Variants in USP54 observed in about 807,000 individuals in gnomAD.
USP54 encodes ubiquitin specific peptidase 54, also known as ubiquitin carboxyl-terminal hydrolase 54.
In USP54, 87 loss-of-function variants were observed where a neutral mutation model predicts 170.5. The ratio of observed to expected loss-of-function variants is 0.51; its 90% CI spans 0.43 to 0.61. The LOEUF is 0.61. Among genes scored for constraint, USP54 ranks in the 20% least tolerant of loss-of-function variants. USP54 has a pLI of 0.00. For synonymous variants in USP54, 655 were observed against 742.8 expected, an observed-to-expected ratio of 0.88 and a Z score of 1.92; for missense variants, 1,786 against 2,047.8, an observed-to-expected ratio of 0.87 and a Z score of 2.47.
chr10:73,560,502 A>C (rs1241699595), intron 4 of USP54, among the ~76,000 whole-genome samples: 1 of 150,336 alleles, frequency 6.7e-6, no homozygotes, highest in Non-Finnish European at 1.5e-5. Context: ...AAAAATACAA[A>C]AAAAAAAAAA....
At chr10:73,535,099 T>C (rs1015786281) in intron 11 of USP54, among the ~76,000 whole-genome samples, 1 of 152,178 alleles carries the variant, frequency 6.6e-6, no homozygotes, top group Admixed American at 6.5e-5. Flanking sequence ...TCTATTTAGA[T>C]GGAAAGTCCC....
At position 73,597,949 on chromosome 10, in the gene USP54, T is replaced by C. The variant is rs370100701; in HGVS notation, c.-17-22274A>G. On this transcript the variant is annotated intron_variant, in intron 1 of 22. Coordinates refer to the USP54 transcript ENST00000339859. The stretch of plus-strand genomic sequence containing the variant: ...AATATATAAAATTAGCTGGGCATGG[T>C]GGTGGGGACCCGTAATCCCAGCTAC... Among the ~76,000 whole-genome samples, 7 of 152,080 alleles carry C rather than the reference T, an allele frequency of 4.6e-5. No individual in the cohort carries two copies. In the East Asian group the frequency reaches 7.7e-4, roughly 17 times the overall value.
chr10:73,512,428 T>C (rs2060361773), intron 20 of USP54, among the ~76,000 whole-genome samples: 1 of 152,128 alleles, frequency 6.6e-6, no homozygotes, highest in Non-Finnish European at 1.5e-5. Context: ...TGTGAGCCAC[T>C]GCACCCAGCC....
At chr10:73,526,597 C>T in intron 16 of USP54, 50 bp downstream of exon 16, 1 of 1,606,972 alleles carries the variant, frequency 6.2e-7, no homozygotes, top group Non-Finnish European at 8.5e-7. Flanking sequence ...GGTCCCCAGA[C>T]AAAACTGCCG....
intron 17 of USP54, among the ~76,000 whole-genome samples, chr10:73,523,019 C>G (rs1233363820): frequency 1.3e-5 from 2 of 152,166 alleles, no homozygotes; most frequent in African/African-American, 4.8e-5. Context: ...AGGCTAGTCT[C>G]TTTTGGTACA....
intron 1 of USP54, among the ~76,000 whole-genome samples, chr10:73,587,590 T>C (rs993896770): frequency 3.9e-5 from 6 of 152,132 alleles, no homozygotes; most frequent in Non-Finnish European, 7.4e-5. Context: ...TTATGTGAAT[T>C]ATACAACTTG....
chr10:73,594,904 T>G (rs186206062), upstream of USP54, among the ~76,000 whole-genome samples: 289 of 150,918 alleles, frequency 1.9e-3, no homozygotes, highest in Non-Finnish European at 2.5e-3. Context: ...GTCTAGTGGG[T>G]TTTTTTTTAA....
At position 73,539,569 on chromosome 10, in the gene USP54, G is replaced by C. The variant is rs770341500; in HGVS notation, c.850C>G (p.Arg284Gly). 2 of 1,604,604 alleles carry C rather than the reference G, an allele frequency of 1.2e-6. No individual in the cohort carries two copies. The highest frequency in any genetic ancestry group is 1.7e-5 in the Admixed American group (1 of 59,630). The change falls in exon 10 of 24, where the codon CGG becomes GGG. Residue 284 changes from arginine (R) to glycine (G), a missense_variant. By Grantham distance (125) the Arg-to-Gly change is moderately radical (BLOSUM62 -2). This residue lies in a region of USP54 where 361 missense variants were observed against 455.0 expected (regional missense o/e 0.79). Coordinates refer to ENST00000687698, the MANE Select transcript of USP54 (RefSeq NM_001391956.1). The part of the protein sequence containing the change: ...GDLFFRVTDD[R>G]AKQSELYLVG... ...AAGTACAGTTCAGATTGCTTGGCCC[G>C]GTCATCCGTCACTCTGAAAAACAGC...
chr10:73,527,274 C>T (rs1442984870), intron 15 of USP54, among the ~76,000 whole-genome samples: 4 of 151,770 alleles, frequency 2.6e-5, no homozygotes, highest in African/African-American at 4.8e-5. Flanking sequence ...CTGAGGCAGG[C>T]GGATCATGAG....
intron 1 of USP54, among the ~76,000 whole-genome samples, chr10:73,580,039 A>G (rs1041679727): frequency 3.3e-5 from 5 of 151,936 alleles, no homozygotes; most frequent in Admixed American, 6.6e-5. Context: ...GAAATGCAAA[A>G]CAGGCCAGGT....
At chr10:73,528,853 T>C (rs1000499603) in intron 15 of USP54, among the ~76,000 whole-genome samples, 1 of 152,234 alleles carries the variant, frequency 6.6e-6, no homozygotes, top group African/African-American at 2.4e-5. Flanking sequence ...ATGAGATACA[T>C]AGAGACAGTA....
chr10:73,568,913 T>C (rs982224629), intron 4 of USP54, among the ~76,000 whole-genome samples: 1 of 152,220 alleles, frequency 6.6e-6, no homozygotes, highest in Non-Finnish European at 1.5e-5. Flanking sequence ...CTTTCTGGCT[T>C]ATATAATGAT....
rs1564710060 is a variant in USP54, at chr10:73,529,688, A to G, written c.2052T>C (p.Asn684=). ...CAAAGGCCAAACAATACCTGTAGACATTTGAGCTCTCAGGCAGGGCTGCAT... is the reference window on the plus strand; with the variant it reads ...CAAAGGCCAAACAATACCTGTAGACGTTTGAGCTCTCAGGCAGGGCTGCAT... ...SLDAALPESS[N]VYRDPSAKRS... Residue 684 remains asparagine, a synonymous_variant, in exon 15 of 24, where the codon AAT becomes AAC. Coordinates refer to ENST00000687698, the MANE Select transcript of USP54 (RefSeq NM_001391956.1). 5 of 1,614,156 alleles carry G rather than the reference A, an allele frequency of 3.1e-6. No homozygotes were observed. The highest frequency in any genetic ancestry group is 1.3e-5 in the African/African-American group (1 of 75,070).
At chr10:73,612,381 C>T (rs1654479939) in intron 1 of USP54, among the ~76,000 whole-genome samples, 1 of 152,048 alleles carries the variant, frequency 6.6e-6, no homozygotes. Flanking sequence ...TAAATTTATT[C>T]AACAGACTTG....
At chr10:73,587,550 A>C (rs1280809893) in intron 1 of USP54, among the ~76,000 whole-genome samples, 1 of 152,184 alleles carries the variant, frequency 6.6e-6, no homozygotes, top group Non-Finnish European at 1.5e-5. Flanking sequence ...CTTTTAGTGG[A>C]GATCCAAAGG....
In USP54 at chr10:73,499,283, C is replaced by A. The variant is rs1384411420; in HGVS notation, c.4496-95G>T. The A allele has an allele frequency of 8.9e-6, 11 of 1,233,286 alleles. No homozygotes were observed. The East Asian group carries it at 2.6e-4, about 29-fold the overall frequency. 76.4% of individuals were successfully genotyped at this position (1,233,286 alleles called of 1,614,324 possible). A position where few individuals can be genotyped will look rare whatever the true frequency, so the allele number is the denominator to read the frequency against. ...CCTAGCTGTGTAGCCCAATTCCCTA[C>A]TCCTCCAAGAGCATACATACAAGGG... is the stretch of plus-strand genomic sequence containing the variant. On this transcript the variant is annotated intron_variant, in intron 23 of 23. Transcript: ENST00000687698.
At chr10:73,515,926 G>T (rs1367754034) in intron 20 of USP54, 1 of 155,200 alleles carries the variant, frequency 6.4e-6, no homozygotes, top group African/African-American at 2.4e-5. Context: ...GGGACTACAG[G>T]CAAGTACCAC....
rs746958518 is a variant in USP54, at chr10:73,520,001, CA to C, written c.2483-10del. On this transcript the variant is annotated splice_polypyrimidine_tract_variant and intron_variant, in intron 18 of 23. Transcript: ENST00000687698. The stretch of plus-strand genomic sequence containing the variant: ...GGCAAGTCTTAGTTTAGCTAAAATG[CA>C]AAAGAAAATATAGCAGAAACAGAAC... The C allele has an allele frequency of 2.5e-6, 4 of 1,572,914 alleles. No individual in the cohort carries two copies. Among genetic ancestry groups the C allele is most frequent in the Non-Finnish European group, 3.5e-6 (4 of 1,157,054 alleles).
chr10:73,523,690 G>A lies in USP54; in HGVS notation c.2255C>T (p.Ala752Val), dbSNP rs199524864. 3.0e-5 allele frequency: 49 copies of A among 1,613,648 alleles called. No individual in the cohort carries two copies. The East Asian group carries it at 8.0e-4, about 26-fold the overall frequency. ...TTTTCTTCGAAGTTCCTGTTCCTGCGCCCTCCTGGCCACCTCTTCCTGCAA... is the reference window on the plus strand; with the variant it reads ...TTTTCTTCGAAGTTCCTGTTCCTGCACCCTCCTGGCCACCTCTTCCTGCAA... Reference protein sequence around the residue: ...DELQEEVARRAQEQELRRKRE... With the variant: ...DELQEEVARRVQEQELRRKRE... Residue 752 changes from alanine (A) to valine (V), a missense_variant, in exon 17 of 24, where the codon GCG (alanine) becomes GTG (valine). Ala to Val is a moderately conservative substitution (Grantham distance 64). Around this residue, in one of 3 missense-constraint regions of USP54, gnomAD observed 1,418 missense variants for 1,569.0 expected, o/e 0.90. Coordinates refer to ENST00000687698, the MANE Select transcript of USP54 (RefSeq NM_001391956.1).
Sources: gnomAD v4.1 joint callset for allele counts (sites outside exome capture counted in the v4.1 genomes callset) on GRCh38, gnomAD v4.1.1 for gene constraint, gnomAD v4.1.1 regional missense constraint, MANE v1.5 for transcripts, NCBI Gene and HGNC (gene_info 2026-07-23, HGNC 2026-07-21) for gene names.